DNAAF9: variants seen among roughly 807,000 people sequenced by gnomAD.
The protein encoded by DNAAF9 is dynein axonemal assembly factor 9.
Under a neutral mutation model 167.0 loss-of-function variants are expected in DNAAF9, and 90 were observed. The observed-to-expected ratio is 0.54, with a 90% confidence interval of 0.45 to 0.64. DNAAF9 has a LOEUF of 0.64. DNAAF9 is among the 30% of genes least tolerant of loss of function. The pLI, the probability that DNAAF9 is intolerant of heterozygous loss-of-function variation, is 0.00. For synonymous variants in DNAAF9, 491 were observed against 508.8 expected, an observed-to-expected ratio of 0.96 and a Z score of 0.47; for missense variants, 1,315 against 1,442.2, an observed-to-expected ratio of 0.91 and a Z score of 1.43.
intron 20 of DNAAF9, among the ~76,000 whole-genome samples, chr20:3,312,931 A>G (rs1320933496): frequency 6.6e-6 from 1 of 152,222 alleles, no homozygotes; most frequent in Non-Finnish European, 1.5e-5. Context: ...TAAGTTATCA[A>G]AAGACTATGA....
At chr20:3,319,561 C>T (rs2069578471) in intron 16 of DNAAF9, among the ~76,000 whole-genome samples, 1 of 152,132 alleles carries the variant, frequency 6.6e-6, no homozygotes, top group Non-Finnish European at 1.5e-5. Flanking sequence ...TCCCCTCCTA[C>T]CCTGAATAGT....
intron 7 of DNAAF9, among the ~76,000 whole-genome samples, chr20:3,356,217 C>T (rs1568624750): frequency 6.6e-6 from 1 of 152,052 alleles, no homozygotes; most frequent in Non-Finnish European, 1.5e-5. Context: ...GAGGGTTCAC[C>T]ATGTTGGCCA....
At chr20:3,343,363 T>C (rs569403867) in intron 9 of DNAAF9, among the ~76,000 whole-genome samples, 180 of 152,260 alleles carry the variant, frequency 1.2e-3, no homozygotes, top group South Asian at 2.1e-3. Flanking sequence ...GTCAGCCTGG[T>C]CTCGAACTCC....
At chr20:3,355,751 A>C (rs2083277027) in intron 7 of DNAAF9, among the ~76,000 whole-genome samples, 1 of 152,140 alleles carries the variant, frequency 6.6e-6, no homozygotes, top group Non-Finnish European at 1.5e-5. Context: ...TACTTCATAG[A>C]ATATTATTTT....
chr20:3,299,355 C>T (rs78145800), intron 21 of DNAAF9, among the ~76,000 whole-genome samples: 9,433 of 151,978 alleles, frequency 0.062, 374 homozygotes, highest in Non-Finnish European at 0.082. Flanking sequence ...GACCTGTGCC[C>T]AGGATGGAGT....
chr20:3,325,115 A>C lies in DNAAF9; in HGVS notation c.1189-147T>G, dbSNP rs2069687502. On this transcript the variant is annotated intron_variant, in intron 13 of 36. Transcript: ENST00000252032. Reference sequence around the variant, plus strand: ...CCATCTATGTGACTACTTGGTAGGCATGAATAGATTAAAGTGAAAGTATCA... The same window carrying C: ...CCATCTATGTGACTACTTGGTAGGCCTGAATAGATTAAAGTGAAAGTATCA... 4 of 644,036 alleles carry C rather than the reference A, an allele frequency of 6.2e-6. No homozygotes were observed. In the African/African-American group the frequency reaches 7.3e-5, roughly 12 times the overall value. 39.9% of individuals were successfully genotyped at this position (644,036 alleles called of 1,614,324 possible).
intron 25 of DNAAF9, among the ~76,000 whole-genome samples, chr20:3,291,339 T>C (rs1225109180): frequency 6.6e-6 from 1 of 151,304 alleles, no homozygotes; most frequent in Admixed American, 6.6e-5. Flanking sequence ...CTCTGTAAGT[T>C]TTTTTGTTTT....
chr20:3,364,227 T>C (rs773785295), intron 6 of DNAAF9, among the ~76,000 whole-genome samples: 1 of 152,218 alleles, frequency 6.6e-6, no homozygotes, highest in Non-Finnish European at 1.5e-5. Flanking sequence ...TCTAGGCCAA[T>C]TTTGAAGACT....
chr20:3,343,650 C>T, intron 9 of DNAAF9, 26 bp downstream of exon 9: 1 of 1,592,230 alleles, frequency 6.3e-7, no homozygotes. Flanking sequence ...CACCATTCGC[C>T]CTTCTTCCCC....
intron 12 of DNAAF9, among the ~76,000 whole-genome samples, chr20:3,328,853 C>T (rs1363656872): frequency 6.6e-6 from 1 of 150,638 alleles, no homozygotes; most frequent in Non-Finnish European, 1.5e-5. Flanking sequence ...CACGTATACA[C>T]ACACACACAA....
At chr20:3,309,199 T>C (rs1232402524) in intron 20 of DNAAF9, among the ~76,000 whole-genome samples, 1 of 152,152 alleles carries the variant, frequency 6.6e-6, no homozygotes, top group African/African-American at 2.4e-5. Context: ...GTTTTTTTTT[T>C]CCTGAAATTA....
intron 6 of DNAAF9, chr20:3,362,207 A>C: frequency 3.5e-6 from 5 of 1,434,264 alleles, no homozygotes; most frequent in Non-Finnish European, 4.9e-6. Flanking sequence ...ATGTCTTCGT[A>C]ATCTTCTAGA....
chr20:3,336,258 G>GTTTTTT (rs367718705), intron 10 of DNAAF9, among the ~76,000 whole-genome samples: 3 of 113,564 alleles, frequency 2.6e-5, no homozygotes, highest in East Asian at 2.7e-4. Context: ...TTGCGTTTTT[G>GTTTTTT]TTTTTTTTTT....
chr20:3,328,500 T>G (rs185937707), intron 12 of DNAAF9, among the ~76,000 whole-genome samples: 1 of 152,298 alleles, frequency 6.6e-6, no homozygotes, highest in Admixed American at 6.5e-5. Context: ...GTTGTCACTT[T>G]CACTTGAATC....
intron 12 of DNAAF9, among the ~76,000 whole-genome samples, chr20:3,330,409 A>G (rs1301689185): frequency 2.0e-5 from 3 of 151,874 alleles, no homozygotes; most frequent in African/African-American, 7.3e-5. Flanking sequence ...TGCCTGGCTA[A>G]TTTTTTATTT....
intron 34 of DNAAF9, among the ~76,000 whole-genome samples, chr20:3,255,592 G>C (rs2068266154): frequency 6.6e-6 from 1 of 152,140 alleles, no homozygotes; most frequent in Non-Finnish European, 1.5e-5. Flanking sequence ...CAAAGGGGCA[G>C]TCTGAGGCCC....
At chr20:3,353,116 T>C (rs971607848) in intron 7 of DNAAF9, among the ~76,000 whole-genome samples, 10 of 149,006 alleles carry the variant, frequency 6.7e-5, no homozygotes, top group Non-Finnish European at 1.3e-4. Context: ...CAGATATATA[T>C]AACATATATA....
rs2068189856 is a variant in DNAAF9, at chr20:3,251,240, G to T, written c.*1332C>A. 1 of 150,866 alleles carries T rather than the reference G, an allele frequency of 6.6e-6. No individual in the cohort carries two copies. Among genetic ancestry groups the T allele is most frequent in the African/African-American group, 2.4e-5 (1 of 40,958 alleles). 9.3% of individuals were successfully genotyped at this position (150,866 alleles called of 1,614,324 possible). On this transcript the variant is annotated 3_prime_UTR_variant, in exon 37 of 37. Transcript: ENST00000252032. ...GTGTGACCAGGCACACAGACTACAT[G>T]TGCTCCATCTTGTCTCTCCGCTGCT...
chr20:3,340,592 T>C lies in DNAAF9; in HGVS notation c.893A>G (p.Glu298Gly), dbSNP rs774319720. ...GTTAAAGTTGCCAGCATTCAGGTTT[T>C]CTCGTGTGGAGTGATTACCAAAGAG... is the stretch of plus-strand genomic sequence containing the variant. ...FVLFGNHSTR[E>G]NLNAGNFNFP... is the part of the protein sequence containing the mutation. The change falls in exon 10 of 37, where the codon GAA (glutamate) becomes GGA (glycine). Residue 298 changes from glutamate (E) to glycine (G), a missense_variant. Physicochemically the swap from Glu to Gly is moderately conservative, Grantham distance 98 (BLOSUM62 -2). Transcript: ENST00000252032. The C allele has an allele frequency of 2.5e-6, 4 of 1,613,832 alleles. No homozygotes were observed. The highest frequency in any genetic ancestry group is 3.4e-6 in the Non-Finnish European group (4 of 1,179,862).
Sources: allele counts gnomAD v4.1 joint callset (sites outside exome capture counted in the v4.1 genomes callset), GRCh38; gene constraint gnomAD v4.1.1; transcripts MANE v1.5; gene names NCBI Gene and HGNC (gene_info 2026-07-23, HGNC 2026-07-21).